The following KIAA0825 variants were observed in gnomAD, a reference collection of about 807,000 sequenced individuals.
KIAA0825 encodes the protein uncharacterized protein KIAA0825.
KIAA0825 carries 119 observed loss-of-function variants against 147.6 expected under a neutral mutation model. The ratio of observed to expected loss-of-function variants is 0.81; its 90% confidence interval spans 0.69 to 0.94. The LOEUF is 0.94. Ranked by LOEUF, KIAA0825 falls within the 40% of genes least tolerant of loss-of-function variation. KIAA0825 has a pLI of 0.00. For synonymous variants in KIAA0825, 470 were observed against 518.1 expected, an observed-to-expected ratio of 0.91 and a Z score of 1.26; for missense variants, 1,381 against 1,472.7, an observed-to-expected ratio of 0.94 and a Z score of 1.02.
intron 3 of KIAA0825, among the ~76,000 whole-genome samples, chr5:94,533,270 G>A (rs1182438906): frequency 8.6e-6 from 1 of 115,994 alleles, no homozygotes; most frequent in African/African-American, 3.3e-5. Context: ...GAGCCACTGT[G>A]CCCGGCCTTT....
At chr5:94,308,126 A>G (rs187087082) in intron 20 of KIAA0825, among the ~76,000 whole-genome samples, 2 of 151,874 alleles carry the variant, frequency 1.3e-5, no homozygotes, top group African/African-American at 4.8e-5. Flanking sequence ...CATCACTGCA[A>G]CACAGACATA....
chr5:94,431,537 AAAG>A (rs1165861919), intron 14 of KIAA0825, among the ~76,000 whole-genome samples: 2 of 152,208 alleles, frequency 1.3e-5, no homozygotes. Context: ...ATTGTGACAA[AAAG>A]AAGTACAGTG....
intron 2 of KIAA0825, among the ~76,000 whole-genome samples, chr5:94,579,445 T>C (rs1781676483): frequency 6.6e-6 from 1 of 152,264 alleles, no homozygotes; most frequent in African/African-American, 2.4e-5. Context: ...GCATATATTG[T>C]ATCCCATTAG....
intron 13 of KIAA0825, 73 bp from the exon 14 acceptor site, chr5:94,440,194 A>T (rs1010067963): frequency 7.3e-7 from 1 of 1,374,166 alleles, no homozygotes; most frequent in Non-Finnish European, 9.9e-7. Context: ...TAAAGTACAG[A>T]TGTAATGCTA....
chr5:94,450,628 T>C (rs1318250161), intron 13 of KIAA0825, among the ~76,000 whole-genome samples: 1 of 151,904 alleles, frequency 6.6e-6, no homozygotes, highest in East Asian at 1.9e-4. Context: ...CCATTTAAGA[T>C]GGAAAAACCC....
At chr5:94,176,024 G>A (rs1363442758) in intron 20 of KIAA0825, among the ~76,000 whole-genome samples, 1 of 151,906 alleles carries the variant, frequency 6.6e-6, no homozygotes, top group East Asian at 1.9e-4. Flanking sequence ...TTTTTTTATT[G>A]CTAAATCCCC....
At position 94,403,787 on chromosome 5, in the gene KIAA0825, G is replaced by T; in HGVS notation, c.2669C>A (p.Thr890Lys). 1.3e-6 allele frequency: 2 copies of T among 1,551,124 alleles called. No homozygotes were observed. Among genetic ancestry groups the T allele is most frequent in the Non-Finnish European group, 1.7e-6 (2 of 1,146,636 alleles). Residue 890 changes from threonine to lysine, a missense_variant, in exon 16 of 21, where the codon ACG becomes AAG. Thr to Lys is a moderately conservative substitution (Grantham distance 78). Coordinates refer to ENST00000682413, the MANE Select transcript of KIAA0825 (RefSeq NM_001145678.3). Reference protein sequence around the residue: ...WDFLYNIPVSTCVEYELEVIR... With the variant: ...WDFLYNIPVSKCVEYELEVIR... ...GACCTCTAGCTCGTACTCCACGCAC[G>T]TTGAGACTTTAAAATCAGATGGCAT...
chr5:94,524,044 A>G lies in KIAA0825; in HGVS notation c.186T>C (p.Gly62=). The G allele has an allele frequency of 6.2e-7, 1 of 1,609,920 alleles. No homozygotes were observed. The highest frequency in any genetic ancestry group is 1.3e-5 in the African/African-American group (1 of 74,846). ...AGTCAGTTGTTGTTTGCAGCTGCAC[A>G]CCTGGACATTGTTTGTTAATTTCGG... is the stretch of plus-strand genomic sequence containing the variant. The part of the protein sequence containing the change: ...IQSEINKQCP[G]VQLQTTTDCF... The change falls in exon 4 of 21, where the codon GGT becomes GGC. Residue 62 remains glycine (G), a synonymous_variant. Coordinates refer to ENST00000682413, the MANE Select transcript of KIAA0825 (RefSeq NM_001145678.3).
chr5:94,366,661 C>CA (rs747896592), intron 20 of KIAA0825, among the ~76,000 whole-genome samples: 1 of 152,110 alleles, frequency 6.6e-6, no homozygotes, highest in Non-Finnish European at 1.5e-5. Flanking sequence ...TCTTATTTTC[C>CA]CAGCCACTCA....
chr5:94,601,559 T>A (rs1786456711), intron 1 of KIAA0825, among the ~76,000 whole-genome samples: 1 of 152,154 alleles, frequency 6.6e-6, no homozygotes, highest in Non-Finnish European at 1.5e-5. Context: ...CTGATATGGC[T>A]GAACAGAAGT....
At chr5:94,529,244 A>ATATATATGTATGTAT (rs1561267886) in intron 3 of KIAA0825, among the ~76,000 whole-genome samples, 2 of 123,250 alleles carry the variant, frequency 1.6e-5, no homozygotes, top group Non-Finnish European at 3.3e-5. Flanking sequence ...ATGTATATAT[A>ATATATATGTATGTAT]CATATATATG....
chr5:94,552,214 G>T (rs912407930), intron 2 of KIAA0825, among the ~76,000 whole-genome samples: 4 of 152,076 alleles, frequency 2.6e-5, no homozygotes, highest in Non-Finnish European at 5.9e-5. Context: ...TTTAGCAAAA[G>T]TATATAACAA....
intron 6 of KIAA0825, among the ~76,000 whole-genome samples, chr5:94,482,212 G>A (rs1006173667): frequency 6.6e-6 from 1 of 151,906 alleles, no homozygotes; most frequent in Non-Finnish European, 1.5e-5. Context: ...TGAGAGAACG[G>A]CCAATTTGGC....
At chr5:94,452,922 T>A (rs1223081567) in intron 13 of KIAA0825, 37 bp downstream of exon 13, 1 of 1,043,192 alleles carries the variant, frequency 9.6e-7, no homozygotes, top group South Asian at 1.9e-5. Flanking sequence ...AAAGGAATCA[T>A]AGAATTATAG....
At chr5:94,216,275 G>A (rs1233146057) in intron 20 of KIAA0825, among the ~76,000 whole-genome samples, 1 of 152,196 alleles carries the variant, frequency 6.6e-6, no homozygotes, top group Non-Finnish European at 1.5e-5. Flanking sequence ...AGTGTTCAAG[G>A]AAGATCACTG....
chr5:94,202,290 A>T (rs1020377820), intron 20 of KIAA0825, among the ~76,000 whole-genome samples: 2 of 152,284 alleles, frequency 1.3e-5, no homozygotes, highest in Non-Finnish European at 2.9e-5. Context: ...AGAACAGAAA[A>T]ATCACAAGGG....
intron 20 of KIAA0825, among the ~76,000 whole-genome samples, chr5:94,185,059 G>A (rs895284839): frequency 2.0e-5 from 3 of 152,140 alleles, no homozygotes; most frequent in Non-Finnish European, 4.4e-5. Context: ...CTCTCTGCGG[G>A]TATTGTCTTT....
At chr5:94,322,190 T>G (rs939046857) in intron 20 of KIAA0825, among the ~76,000 whole-genome samples, 2 of 151,936 alleles carry the variant, frequency 1.3e-5, no homozygotes, top group African/African-American at 4.8e-5. Flanking sequence ...TTTAAAACTC[T>G]TTTTAGCACA....
At chr5:94,415,795 GT>G (rs1436103948) in intron 15 of KIAA0825, 1 of 152,164 alleles carries the variant, frequency 6.6e-6, no homozygotes, top group East Asian at 1.9e-4. Context: ...GCAAGAAACA[GT>G]TTTATTTTGC....
Sources: allele counts gnomAD v4.1 joint callset (sites outside exome capture counted in the v4.1 genomes callset), GRCh38; gene constraint gnomAD v4.1.1; transcripts MANE v1.5; gene names NCBI Gene and HGNC (gene_info 2026-07-23, HGNC 2026-07-21).